SIM1: variants seen among roughly 807,000 people sequenced by gnomAD.
SIM1 encodes single-minded homolog 1.
SIM1 carries 18 observed loss-of-function variants against 78.2 expected under a neutral mutation model. The ratio of observed to expected loss-of-function variants is 0.23; its 90% CI spans 0.16 to 0.34. The LOEUF is 0.34. Ranked by LOEUF, SIM1 falls within the 10% of genes least tolerant of loss-of-function variation. The pLI is 1.00. For missense variants in SIM1, 939 were observed against 975.1 expected (o/e 0.96, Z 0.49); for synonymous variants, 417 against 385.2 (o/e 1.08, Z -0.97).
intron 2 of SIM1, among the ~76,000 whole-genome samples, chr6:100,454,507 C>T (rs936994158): frequency 2.0e-5 from 3 of 152,106 alleles, no homozygotes; most frequent in African/African-American, 7.2e-5. Context: ...GCTCATGCCC[C>T]CTACCCACCC....
chr6:100,461,736 A>T (rs987634431), intron 2 of SIM1, among the ~76,000 whole-genome samples: 1 of 152,168 alleles, frequency 6.6e-6, no homozygotes, highest in Non-Finnish European at 1.5e-5. Context: ...AGTGTGGTAT[A>T]ATGGTAATTA....
chr6:100,453,384 T>A (rs545406424), intron 3 of SIM1, among the ~76,000 whole-genome samples: 2 of 152,286 alleles, frequency 1.3e-5, no homozygotes, highest in African/African-American at 4.8e-5. Flanking sequence ...CCTTTGGAAA[T>A]CCTTCATTTG....
chr6:100,410,748 A>G (rs1562238585), intron 10 of SIM1, among the ~76,000 whole-genome samples: 1 of 152,222 alleles, frequency 6.6e-6, no homozygotes. Context: ...AAAGTAAGGC[A>G]TAATGAATAT....
intron 10 of SIM1, among the ~76,000 whole-genome samples, chr6:100,398,392 A>G (rs1770820186): frequency 6.6e-6 from 1 of 152,120 alleles, no homozygotes; most frequent in South Asian, 2.1e-4. Context: ...TCTTCATTTT[A>G]CAAAACTGAA....
In SIM1 at chr6:100,390,647, A is replaced by T. The variant is rs142303587; in HGVS notation, c.2015T>A (p.Ile672Asn). ...NSDRISKSSL[I>N]LAKDYLHSDI... is the part of the protein sequence containing the mutation. ...CGAATGCAGATAGTCTTTAGCTAGG[A>T]TCAAACTGGATTTTGAAATGCGATC... is the stretch of plus-strand genomic sequence containing the variant. The change falls in exon 12 of 12, where the codon ATC (isoleucine) becomes AAC (asparagine). Residue 672 changes from isoleucine to asparagine, a missense_variant. Around this residue, in one of 5 missense-constraint regions of SIM1, gnomAD observed 556 missense variants for 521.9 expected, o/e 1.07. Coordinates refer to ENST00000369208, the MANE Select transcript of SIM1 (RefSeq NM_005068.3). 1 of 1,614,020 alleles carries T rather than the reference A, an allele frequency of 6.2e-7. No homozygotes were observed. Among genetic ancestry groups the T allele is most frequent in the Non-Finnish European group, 8.5e-7 (1 of 1,180,030 alleles).
Position 100,389,488 on chromosome 6 carries a change from A to G in SIM1, c.*873T>C, listed in dbSNP as rs1582597188. The G allele has an allele frequency of 1.8e-5, 7 of 397,190 alleles. No individual in the cohort carries two copies. In the East Asian group the frequency reaches 2.5e-4, roughly 14 times the overall value. The allele number at this position is 397,190 out of a possible 1,614,324, so 24.6% of individuals were successfully genotyped here. ...AGTTGGTTTTACAAGCAAACCCCAA[A>G]TATGTTGTTTACTTATGCTGAGCCC... is the stretch of plus-strand genomic sequence containing the variant. On this transcript the variant is annotated 3_prime_UTR_variant, in exon 12 of 12. Transcript: ENST00000369208.
At chr6:100,411,092 T>C (rs936643955) in intron 10 of SIM1, among the ~76,000 whole-genome samples, 2 of 152,130 alleles carry the variant, frequency 1.3e-5, no homozygotes, top group African/African-American at 4.8e-5. Flanking sequence ...AGAATAAGAA[T>C]GTAATCTAGA....
At chr6:100,430,955 C>A (rs1383944216) in intron 9 of SIM1, among the ~76,000 whole-genome samples, 1 of 152,068 alleles carries the variant, frequency 6.6e-6, no homozygotes, top group Non-Finnish European at 1.5e-5. Flanking sequence ...AAATTTAGAC[C>A]CCATACCCAA....
chr6:100,395,271 T>C (rs1394804100), intron 10 of SIM1, among the ~76,000 whole-genome samples: 1 of 152,054 alleles, frequency 6.6e-6, no homozygotes, highest in African/African-American at 2.4e-5. Flanking sequence ...ACATTCCATA[T>C]ACATTTTGTC....
intron 9 of SIM1, among the ~76,000 whole-genome samples, chr6:100,433,720 A>T (rs1174397504): frequency 6.9e-6 from 1 of 145,018 alleles, no homozygotes; most frequent in Non-Finnish European, 1.5e-5. Context: ...TGGGCAACAG[A>T]TTAAGACCCA....
At chr6:100,459,884 C>G (rs1772791506) in intron 2 of SIM1, among the ~76,000 whole-genome samples, 2 of 152,166 alleles carry the variant, frequency 1.3e-5, no homozygotes, top group African/African-American at 4.8e-5. Flanking sequence ...TTGAATTTGT[C>G]CTATTTTGCA....
At chr6:100,448,792 C>A (rs1375697394) in intron 6 of SIM1, 114 bp from the exon 7 acceptor site, 1 of 849,972 alleles carries the variant, frequency 1.2e-6, no homozygotes. Context: ...CAGTGCTGAC[C>A]ACGCCCGTGC....
At position 100,387,141 on chromosome 6, in the gene SIM1, A is replaced by G. The variant is rs1314588937; in HGVS notation, c.*3220T>C. On this transcript the variant is annotated 3_prime_UTR_variant, in exon 12 of 12. Coordinates refer to ENST00000369208, the MANE Select transcript of SIM1 (RefSeq NM_005068.3). ...AATTCTACAAAACCATGAGCTATGT[A>G]TCATCTAATGAATTGATACATATTA... 1 of 152,082 alleles carries G rather than the reference A, an allele frequency of 6.6e-6. No homozygotes were observed. Among genetic ancestry groups the G allele is most frequent in the African/African-American group, 2.4e-5 (1 of 41,446 alleles). 9.4% of individuals were successfully genotyped at this position (152,082 alleles called of 1,614,324 possible). A position where few individuals can be genotyped will look rare whatever the true frequency, so the allele number is the denominator to read the frequency against.
At chr6:100,461,147 C>T (rs1174649199) in intron 2 of SIM1, among the ~76,000 whole-genome samples, 1 of 152,136 alleles carries the variant, frequency 6.6e-6, no homozygotes, top group Non-Finnish European at 1.5e-5. Context: ...ACCGTTCTGG[C>T]CACCAAGAGG....
Position 100,447,326 on chromosome 6 carries a change from C to T in SIM1, c.940G>A (p.Val314Met), listed in dbSNP as rs988700465. 2 of 1,614,196 alleles carry T rather than the reference C, an allele frequency of 1.2e-6. No individual in the cohort carries two copies. Among genetic ancestry groups the T allele is most frequent in the Non-Finnish European group, 1.7e-6 (2 of 1,180,046 alleles). The change falls in exon 9 of 12, where the codon GTG (valine) becomes ATG (methionine). Residue 314 changes from valine (V) to methionine (M), a missense_variant. Around this residue, in one of 5 missense-constraint regions of SIM1, gnomAD observed 66 missense variants for 108.4 expected, o/e 0.61. Transcript: ENST00000369208. ...GGCCTGGAGGAGCGACTGTTGTGCA[C>T]GATGGTCGCGTAGCTCTGCACCCAT... ...WVWVQSYATI[V>M]HNSRSSRPHC...
At chr6:100,414,733 T>C in intron 10 of SIM1, among the ~76,000 whole-genome samples, 1 of 152,222 alleles carries the variant, frequency 6.6e-6, no homozygotes, top group South Asian at 2.1e-4. Flanking sequence ...GTGCTATGTA[T>C]AAAGGGATAA....
chr6:100,463,508 G>T lies in SIM1; in HGVS notation c.-40C>A. 1.9e-6 allele frequency: 3 copies of T among 1,545,712 alleles called. No homozygotes were observed. Among genetic ancestry groups the T allele is most frequent in the Non-Finnish European group, 2.6e-6 (3 of 1,136,270 alleles). ...CCTTTCTTCTCACAACTTAAGCTCC[G>T]CAGATTCATCCAAAACCAAAAATAA... On this transcript the variant is annotated 5_prime_UTR_variant, in exon 2 of 12. Transcript: ENST00000369208.
Position 100,415,216 on chromosome 6 carries a change from C to T in SIM1, c.1167+5574G>A, listed in dbSNP as rs922305945. 2.6e-5 allele frequency among the ~76,000 whole-genome samples: 4 copies of T among 152,222 alleles called. No individual in the cohort carries two copies. In the South Asian group the frequency reaches 8.3e-4, roughly 32 times the overall value. ...GGCAATTTATTCATGATTGACATGA[C>T]GAAACCATGGCAAGATAACATCCAA... On this transcript the variant is annotated intron_variant, in intron 10 of 11. Transcript: ENST00000369208.
intron 3 of SIM1, 75 bp from the exon 4 acceptor site, chr6:100,450,431 T>TA: frequency 7.2e-7 from 1 of 1,380,488 alleles, no homozygotes; most frequent in Non-Finnish European, 1.0e-6. Flanking sequence ...GGACAGAAGT[T>TA]AGTGACTTTC....
Sources: allele counts gnomAD v4.1 joint callset (sites outside exome capture counted in the v4.1 genomes callset), GRCh38; gene constraint gnomAD v4.1.1; regional missense constraint gnomAD v4.1.1; transcripts MANE v1.5; gene names NCBI Gene and HGNC (gene_info 2026-07-23, HGNC 2026-07-21).